KMT2E: variants seen among roughly 807,000 people sequenced by gnomAD.
KMT2E encodes the protein histone reader KMT2E.
In KMT2E, 30 loss-of-function variants were observed where a neutral mutation model predicts 184.6. The observed-to-expected ratio is 0.16, with a 90% CI of 0.12 to 0.22. The LOEUF (loss-of-function observed/expected upper bound fraction) is 0.22. KMT2E is among the 10% of genes least tolerant of loss of function. KMT2E has a pLI of 1.00. For missense variants in KMT2E, 2,023 were observed against 2,237.4 expected (o/e 0.90, Z 1.93); for synonymous variants, 815 against 776.5 (o/e 1.05, Z -0.82).
chr7:105,090,351 A>G (rs539806030), intron 14 of KMT2E, 78 bp downstream of exon 14: 59 of 1,450,662 alleles, frequency 4.1e-5, no homozygotes, highest in South Asian at 1.9e-4. Context: ...TCTTTGTTCT[A>G]TGTATAATTG....
chr7:105,056,954 A>T (rs899781512), intron 3 of KMT2E, among the ~76,000 whole-genome samples: 5 of 152,246 alleles, frequency 3.3e-5, no homozygotes, highest in African/African-American at 1.2e-4. Context: ...ATGCCTCGTT[A>T]TAAAAGAGTT....
intron 13 of KMT2E, among the ~76,000 whole-genome samples, chr7:105,087,590 A>AT (rs1798037056): frequency 6.6e-6 from 1 of 151,376 alleles, no homozygotes; most frequent in Admixed American, 6.6e-5. Context: ...CGCCTAGCTA[A>AT]TTTTTTGTGT....
chr7:105,084,980 T>C (rs1199170514), intron 13 of KMT2E, among the ~76,000 whole-genome samples: 2 of 152,212 alleles, frequency 1.3e-5, no homozygotes, highest in Non-Finnish European at 2.9e-5. Flanking sequence ...GTATATTTTA[T>C]GGTAATAAAT....
intron 3 of KMT2E, among the ~76,000 whole-genome samples, chr7:105,056,897 CCT>C (rs2129566694): frequency 6.6e-6 from 1 of 152,210 alleles, no homozygotes; most frequent in Admixed American, 6.5e-5. Flanking sequence ...ATATAAAAAA[CCT>C]CAAGTTCAAG....
intron 1 of KMT2E, among the ~76,000 whole-genome samples, chr7:105,031,912 A>G (rs1311907853): frequency 2.0e-5 from 3 of 151,440 alleles, no homozygotes; most frequent in Non-Finnish European, 4.4e-5. Context: ...TCTACTGAAA[A>G]TACAAAAACT....
rs147129852 is a variant in KMT2E at position 105,062,337 on chromosome 7, G to A, written c.186+59G>A. 436 of 1,124,418 alleles carry A rather than the reference G, an allele frequency of 3.9e-4. 2 individuals carry two copies. In the African/African-American group the frequency reaches 5.9e-3, roughly 15 times the overall value. The allele number at this position is 1,124,418 out of a possible 1,614,324, so 69.7% of individuals were successfully genotyped here. ...TTAAATTTAGAGATTGAAAGTAGAT[G>A]CATGTGATACTGTGCTTGAAACGGC... On this transcript the variant is annotated intron_variant, in intron 4 of 26. Coordinates refer to ENST00000311117, the MANE Select transcript of KMT2E (RefSeq NM_182931.3).
At chr7:105,028,173 T>C (rs1795248484) in intron 1 of KMT2E, among the ~76,000 whole-genome samples, 2 of 151,884 alleles carry the variant, frequency 1.3e-5, no homozygotes, top group South Asian at 4.1e-4. Context: ...CTGAGACTTT[T>C]TTTTTTTTTT....
Position 105,107,676 on chromosome 7 carries a change from A to G in KMT2E, c.3219A>G (p.Arg1073=), listed in dbSNP as rs1425595754. 1.2e-6 allele frequency: 2 copies of G among 1,614,198 alleles called. No individual in the cohort carries two copies. The highest frequency in any genetic ancestry group is 8.5e-7 in the Non-Finnish European group (1 of 1,180,034). The change falls in exon 22 of 27, where the codon AGA becomes AGG. Residue 1073 remains arginine (R), a synonymous_variant. Transcript: ENST00000311117. Reference sequence around the variant, plus strand: ...CTTCCTGGGTAAAGAGCCCTGACAGAACAGGAGTTAACTTCTCAGTGAACT... The same window carrying G: ...CTTCCTGGGTAAAGAGCCCTGACAGGACAGGAGTTAACTTCTCAGTGAACT... ...MYSSWVKSPD[R]TGVNFSVNSN... is the part of the protein sequence containing the mutation.
intron 6 of KMT2E, among the ~76,000 whole-genome samples, chr7:105,067,904 C>A (rs1355881192): frequency 6.6e-6 from 1 of 151,912 alleles, no homozygotes; most frequent in Non-Finnish European, 1.5e-5. Flanking sequence ...CCTGTGAGTT[C>A]GAGGCTGCAG....
intron 3 of KMT2E, 110 bp downstream of exon 3, chr7:105,041,133 AT>A: frequency 1.7e-6 from 1 of 593,646 alleles, no homozygotes; most frequent in Non-Finnish European, 2.7e-6. Context: ...TTTCCTAGCC[AT>A]TTTTTAAAGT....
intron 3 of KMT2E, among the ~76,000 whole-genome samples, chr7:105,057,124 A>C (rs1411269036): frequency 3.9e-5 from 6 of 152,208 alleles, no homozygotes; most frequent in Non-Finnish European, 7.3e-5. Context: ...CTTGAAATAA[A>C]CCTTGAAAAA....
chr7:105,080,736 C>T (rs1797730303), intron 12 of KMT2E, among the ~76,000 whole-genome samples: 1 of 152,222 alleles, frequency 6.6e-6, no homozygotes, highest in South Asian at 2.1e-4. Context: ...GAAGGCCAGG[C>T]ACAGTGGCTC....
intron 13 of KMT2E, among the ~76,000 whole-genome samples, chr7:105,088,551 T>G (rs1359300163): frequency 6.6e-6 from 1 of 152,208 alleles, no homozygotes; most frequent in Non-Finnish European, 1.5e-5. Context: ...AGTGGGAGAT[T>G]TGTATTATTG....
chr7:105,092,767 G>A (rs1334018138), intron 15 of KMT2E, among the ~76,000 whole-genome samples: 1 of 152,022 alleles, frequency 6.6e-6, no homozygotes, highest in Non-Finnish European at 1.5e-5. Flanking sequence ...ACACAGCCTT[G>A]TGCTGGGAAT....
rs1330283478 is a variant in KMT2E at position 105,068,635 on chromosome 7, T to TG, written c.497+1828_497+1829insG. Among the ~76,000 whole-genome samples the TG allele has an allele frequency of 1.9e-4, 26 of 136,260 alleles. 1 individual carries two copies. Among genetic ancestry groups the TG allele is most frequent in the South Asian group, 9.4e-4 (4 of 4,264 alleles). The allele number at this position is 136,260 out of a possible 152,430, so 89.4% of individuals were successfully genotyped here. A position where few individuals can be genotyped will look rare whatever the true frequency, so the allele number is the denominator to read the frequency against. On this transcript the variant is annotated intron_variant, in intron 6 of 26. Transcript: ENST00000311117. ...CCTGACTAGTTGTGGTTTTTTTTTT[T>TG]TTTGTTTTTTTTTTTTTTTTGTAGG...
chr7:105,103,665 A>G (rs1449689852), intron 17 of KMT2E: 1 of 152,066 alleles, frequency 6.6e-6, no homozygotes, highest in Non-Finnish European at 1.5e-5. Context: ...AGTTCTATAT[A>G]CAGAGAGGGA....
At chr7:105,059,788 C>T (rs1365760157) in intron 3 of KMT2E, among the ~76,000 whole-genome samples, 1 of 151,778 alleles carries the variant, frequency 6.6e-6, no homozygotes, top group Non-Finnish European at 1.5e-5. Context: ...AGATACATGG[C>T]AATATTAACA....
chr7:105,037,131 G>A (rs1335977454), intron 1 of KMT2E, among the ~76,000 whole-genome samples: 1 of 151,962 alleles, frequency 6.6e-6, no homozygotes, highest in African/African-American at 2.4e-5. Context: ...AATTTACCTA[G>A]TCTCTTAGTG....
rs1223661611 is a variant in KMT2E, at chr7:105,112,894, C to T, written c.5138C>T (p.Ser1713Leu). 9 of 1,502,046 alleles carry T rather than the reference C, an allele frequency of 6.0e-6. No individual in the cohort carries two copies. Among genetic ancestry groups the T allele is most frequent in the Non-Finnish European group, 8.1e-6 (9 of 1,109,320 alleles). 93.0% of individuals were successfully genotyped at this position (1,502,046 alleles called of 1,614,324 possible). A position where few individuals can be genotyped will look rare whatever the true frequency, so the allele number is the denominator to read the frequency against. Residue 1713 changes from serine (S) to leucine (L), a missense_variant, in exon 27 of 27, where the codon TCA becomes TTA. Coordinates refer to ENST00000311117, the MANE Select transcript of KMT2E (RefSeq NM_182931.3). ...GCACAACACCAGCATGTTGTAAATT[C>T]AGCACCCCCACCACCCCCTCCGCCG... ...LQAQHQHVVN[S>L]APPPPPPPPP...
Sources: gnomAD v4.1 joint callset for allele counts (sites outside exome capture counted in the v4.1 genomes callset) on GRCh38, gnomAD v4.1.1 for gene constraint, MANE v1.5 for transcripts, NCBI Gene and HGNC (gene_info 2026-07-23, HGNC 2026-07-21) for gene names.